PTBP2: variants seen among roughly 807,000 people sequenced by gnomAD.
The protein encoded by PTBP2 is polypyrimidine tract binding protein 2, also known as polypyrimidine tract-binding protein 2.
PTBP2 carries 13 observed loss-of-function variants against 61.4 expected under a neutral mutation model. The ratio of observed to expected loss-of-function variants is 0.21; its 90% CI spans 0.14 to 0.34. The LOEUF (loss-of-function observed/expected upper bound fraction) is 0.34. PTBP2 is among the 10% of genes least tolerant of loss of function. The probability of loss-of-function intolerance (pLI) is 1.00; values close to 1 mark genes in which losing one functional copy is unlikely to be tolerated. For missense variants in PTBP2, 405 were observed against 642.6 expected, an observed-to-expected ratio of 0.63 and a Z score of 4.00; for synonymous variants, 215 against 218.5, an observed-to-expected ratio of 0.98 and a Z score of 0.14.
Position 96,778,558 on chromosome 1 carries a change from C to T in PTBP2, c.708+612C>T, listed in dbSNP as rs373033556. ...CATCTTTGCTTCCAAGTACCTTAAT[C>T]TTCTGTTTGTATATCTTAAATCTAC... On this transcript the variant is annotated intron_variant, in intron 7 of 13. Transcript: ENST00000674951. Among the ~76,000 whole-genome samples the T allele has an allele frequency of 2.0e-5, 3 of 152,088 alleles. No individual in the cohort carries two copies. The East Asian group carries it at 5.8e-4, about 29-fold the overall frequency.
intron 3 of PTBP2, 72 bp downstream of exon 3, chr1:96,751,572 C>A: frequency 1.8e-6 from 2 of 1,107,792 alleles, no homozygotes; most frequent in Non-Finnish European, 2.7e-6. Flanking sequence ...CAAATTTAAC[C>A]CTGTTATACC....
intron 5 of PTBP2, among the ~76,000 whole-genome samples, chr1:96,773,123 CAAAAAAAAA>C (rs563241972): frequency 1.1e-5 from 1 of 88,266 alleles, no homozygotes; most frequent in Non-Finnish European, 2.1e-5. Flanking sequence ...GACTCTATCT[CAAAAAAAAA>C]AAAAAAAAAA....
chr1:96,757,324 C>CAG (rs150658928), intron 3 of PTBP2, among the ~76,000 whole-genome samples: 10,051 of 152,062 alleles, frequency 0.066, 1,039 homozygotes, highest in African/African-American at 0.22. Flanking sequence ...TATTACTAGA[C>CAG]AGAAAAATTT....
chr1:96,785,009 A>G, intron 7 of PTBP2, 50 bp from the exon 8 acceptor site: 3 of 1,357,820 alleles, frequency 2.2e-6, no homozygotes, highest in Non-Finnish European at 3.0e-6. Flanking sequence ...ACTTTCACTA[A>G]TTTTTATTTT....
intron 2 of PTBP2, among the ~76,000 whole-genome samples, chr1:96,741,799 A>G (rs1478091545): frequency 6.6e-6 from 1 of 152,180 alleles, no homozygotes; most frequent in Non-Finnish European, 1.5e-5. Context: ...CATATGTTAC[A>G]GGTTTAATTA....
intron 2 of PTBP2, chr1:96,749,827 T>C (rs1654314303): frequency 3.2e-6 from 1 of 313,000 alleles, no homozygotes; most frequent in Admixed American, 3.6e-5. Context: ...TCCTAAGGGC[T>C]GTGATGTAGA....
chr1:96,770,557 A>C (rs1657261382), intron 4 of PTBP2, 151 bp from the exon 5 acceptor site: 1 of 750,572 alleles, frequency 1.3e-6, no homozygotes, highest in African/African-American at 1.8e-5. Flanking sequence ...AAACTTCAAC[A>C]AGAGATTTCT....
chr1:96,760,421 T>C (rs979349559), intron 3 of PTBP2, among the ~76,000 whole-genome samples: 5 of 149,894 alleles, frequency 3.3e-5, no homozygotes, highest in African/African-American at 1.2e-4. Context: ...GTATATAACA[T>C]AGTTGGGAAA....
intron 2 of PTBP2, among the ~76,000 whole-genome samples, chr1:96,729,768 GCT>G (rs1393357887): frequency 8.1e-6 from 1 of 123,542 alleles, no homozygotes; most frequent in African/African-American, 3.2e-5. Flanking sequence ...ACGGAGCCTT[GCT>G]CTGTCGCCCG....
intron 2 of PTBP2, among the ~76,000 whole-genome samples, chr1:96,748,504 T>A (rs1426162523): frequency 1.3e-5 from 2 of 152,186 alleles, no homozygotes; most frequent in Non-Finnish European, 2.9e-5. Context: ...TTTTCTTGTT[T>A]CTGTGGGATG....
chr1:96,802,211 GAAAA>G (rs5776325), intron 8 of PTBP2, among the ~76,000 whole-genome samples: 5 of 54,008 alleles, frequency 9.3e-5, no homozygotes, highest in Admixed American at 2.4e-4. Flanking sequence ...ACTCCGTCTC[GAAAA>G]AAAAAAAAAA....
downstream of PTBP2, chr1:96,817,364 G>A (rs1404390685): frequency 2.1e-5 from 3 of 142,116 alleles, no homozygotes; most frequent in Non-Finnish European, 3.0e-5. Flanking sequence ...CTGATGGCAA[G>A]AATTCAGCAG....
chr1:96,754,619 C>A (rs766874059), intron 3 of PTBP2, among the ~76,000 whole-genome samples: 2 of 152,102 alleles, frequency 1.3e-5, no homozygotes, highest in African/African-American at 4.8e-5. Flanking sequence ...TACTGCAAAG[C>A]TACGGTAATT....
At chr1:96,798,837 CTG>C (rs1432522274) in intron 8 of PTBP2, among the ~76,000 whole-genome samples, 2 of 152,152 alleles carry the variant, frequency 1.3e-5, no homozygotes, top group South Asian at 2.1e-4. Context: ...TATAAGAACT[CTG>C]TAATGTCTTA....
At position 96,767,798 on chromosome 1, in the gene PTBP2, T is replaced by G. The variant is rs980747015; in HGVS notation, c.116-1905T>G. Among the ~76,000 whole-genome samples the G allele has an allele frequency of 5.9e-5, 9 of 152,258 alleles. No homozygotes were observed. In the East Asian group the frequency reaches 1.7e-3, roughly 29 times the overall value. ...TTCCTTTTGACAAATTCAGGTGCCC[T>G]GTGCGCACACAAATCTTTGTCAGTA... On this transcript the variant is annotated intron_variant, in intron 3 of 13. Coordinates refer to ENST00000674951, the MANE Select transcript of PTBP2 (RefSeq NM_021190.4).
rs921680809 is a variant in PTBP2 at position 96,801,978 on chromosome 1, G to A, written c.905-2822G>A. On this transcript the variant is annotated intron_variant, in intron 8 of 13. Transcript: ENST00000674951. The stretch of plus-strand genomic sequence containing the variant: ...TGTAATCCTAGCACTTTGGGAGGCC[G>A]AGACGGGTGGATCACGAGGTCAGGA... 4.6e-5 allele frequency among the ~76,000 whole-genome samples: 7 copies of A among 151,764 alleles called. No individual in the cohort carries two copies. In the South Asian group the frequency reaches 1.2e-3, roughly 27 times the overall value.
intron 2 of PTBP2, among the ~76,000 whole-genome samples, chr1:96,744,649 TC>T (rs1252117513): frequency 6.6e-6 from 1 of 152,182 alleles, no homozygotes; most frequent in Non-Finnish European, 1.5e-5. Flanking sequence ...ATCTTATCTT[TC>T]TTGTAGGTGA....
intron 8 of PTBP2, among the ~76,000 whole-genome samples, chr1:96,790,350 G>T: frequency 1.3e-5 from 2 of 151,444 alleles, no homozygotes. Context: ...CCCACTTTTA[G>T]TGATTTTAAT....
At chr1:96,811,557 C>T (rs1329848967) in intron 11 of PTBP2, among the ~76,000 whole-genome samples, 3 of 152,090 alleles carry the variant, frequency 2.0e-5, no homozygotes, top group Non-Finnish European at 4.4e-5. Flanking sequence ...ACTGGGACCA[C>T]AGGCACGAGC....
Sources: allele counts gnomAD v4.1 joint callset (sites outside exome capture counted in the v4.1 genomes callset), GRCh38; gene constraint gnomAD v4.1.1; transcripts MANE v1.5; gene names NCBI Gene and HGNC (gene_info 2026-07-23, HGNC 2026-07-21).